Variants in TMEM44 observed in about 807,000 individuals in gnomAD.
TMEM44 encodes the protein transmembrane protein 44.
Under a neutral mutation model 47.8 loss-of-function variants are expected in TMEM44, and 43 were observed. The observed-to-expected ratio is 0.90, with a 90% CI of 0.70 to 1.16. The LOEUF is 1.16. TMEM44 is among the 50% of genes most tolerant of loss of function. TMEM44 has a pLI of 0.00. For missense variants in TMEM44, 568 were observed against 555.2 expected, an observed-to-expected ratio of 1.02 and a Z score of -0.23; for synonymous variants, 277 against 238.8, an observed-to-expected ratio of 1.16 and a Z score of -1.48.
chr3:194,621,628 C>G (rs1333009728), intron 5 of TMEM44, among the ~76,000 whole-genome samples: 1 of 152,204 alleles, frequency 6.6e-6, no homozygotes, highest in Non-Finnish European at 1.5e-5. Flanking sequence ...TGCAGCTTCA[C>G]TGACTTCACC....
At chr3:194,588,716 C>A in intron 9 of TMEM44, 77 bp from the exon 10 acceptor site, 1 of 1,374,450 alleles carries the variant, frequency 7.3e-7, no homozygotes, top group Non-Finnish European at 1.0e-6. Context: ...CTGACCCAAA[C>A]AAAAGCTCCA....
Position 194,594,623 on chromosome 3 carries a change from GA to G in TMEM44, c.1177-5985del, listed in dbSNP as rs564946122. On this transcript the variant is annotated intron_variant, in intron 9 of 9. Coordinates refer to ENST00000347147, the MANE Select transcript of TMEM44 (RefSeq NM_001011655.3). ...CTATCCTGCTGAGGGAACATAAACTGAAAAAAAAAAAAAGATTAATTGGAAG... is the reference window on the plus strand; with the variant it reads ...CTATCCTGCTGAGGGAACATAAACTGAAAAAAAAAAAAGATTAATTGGAAG... Among the ~76,000 whole-genome samples the G allele has an allele frequency of 4.1e-3, 532 of 130,484 alleles. 1 individual carries two copies. Among genetic ancestry groups the G allele is most frequent in the African/African-American group, 0.01 (372 of 35,600 alleles). 85.6% of individuals were successfully genotyped at this position (130,484 alleles called of 152,430 possible). A position where few individuals can be genotyped will look rare whatever the true frequency, so the allele number is the denominator to read the frequency against.
chr3:194,605,014 C>T (rs1263233705), intron 8 of TMEM44, among the ~76,000 whole-genome samples: 1 of 152,200 alleles, frequency 6.6e-6, no homozygotes, highest in Non-Finnish European at 1.5e-5. Context: ...AAAACGCACC[C>T]CATAGAGGCC....
chr3:194,615,441 G>C (rs1420210512), intron 7 of TMEM44, 128 bp downstream of exon 7: 1 of 1,311,378 alleles, frequency 7.6e-7, no homozygotes, highest in African/African-American at 1.5e-5. Context: ...ACAGCTGTCT[G>C]AGTCGCCTGC....
chr3:194,625,992 T>G lies in TMEM44; in HGVS notation c.265-2A>C, dbSNP rs1717134998. 8.1e-6 allele frequency: 13 copies of G among 1,611,266 alleles called. No homozygotes were observed. Among genetic ancestry groups the G allele is most frequent in the African/African-American group, 2.7e-5 (2 of 74,878 alleles). On this transcript the variant is annotated splice_acceptor_variant, in intron 2 of 9. Transcript: ENST00000347147. LOFTEE classifies it high-confidence loss of function. The stretch of plus-strand genomic sequence containing the variant: ...TGCTAGGTAGGCACCAGTGAAAACC[T>G]GGGAGCAAACGGGAAGAGAGTCTTG...
intron 1 of TMEM44, 101 bp from the exon 2 acceptor site, chr3:194,628,610 TC>T (rs1420710071): frequency 7.2e-7 from 1 of 1,392,162 alleles, no homozygotes; most frequent in East Asian, 2.5e-5. Context: ...GTCAGGGAGC[TC>T]TTTCTGCCCG....
At chr3:194,617,369 C>A (rs1192334511) in intron 5 of TMEM44, 100 bp from the exon 6 acceptor site, 15 of 1,304,532 alleles carry the variant, frequency 1.1e-5, no homozygotes, top group African/African-American at 1.5e-5. Context: ...CCTCTGCCTG[C>A]AGCCAGTCCT....
chr3:194,619,459 G>C (rs1716290762), intron 5 of TMEM44, among the ~76,000 whole-genome samples: 1 of 152,214 alleles, frequency 6.6e-6, no homozygotes, highest in African/African-American at 2.4e-5. Flanking sequence ...CATGTAAGGG[G>C]CTGGAGGCAG....
chr3:194,604,389 C>T lies in TMEM44; in HGVS notation c.1074G>A (p.Ala358=), dbSNP rs199665406. The T allele has an allele frequency of 9.0e-6, 14 of 1,549,492 alleles. No individual in the cohort carries two copies. The East Asian group carries it at 1.7e-4, about 19-fold the overall frequency. The change falls in exon 9 of 10, where the codon GCG becomes GCA. Residue 358 remains alanine, a synonymous_variant. Coordinates refer to ENST00000347147, the MANE Select transcript of TMEM44 (RefSeq NM_001011655.3). The part of the protein sequence containing the change: ...PGDGQTSAGD[A]SLQDPPSYPP... Reference sequence around the variant, plus strand: ...GGTACGACGGGGGGTCCTGCAGGGACGCATCTCCGGCGCTCGTCTGCCCGT... The same window carrying T: ...GGTACGACGGGGGGTCCTGCAGGGATGCATCTCCGGCGCTCGTCTGCCCGT...
chr3:194,631,452 C>T (rs2108607492), intron 1 of TMEM44, among the ~76,000 whole-genome samples: 1 of 152,324 alleles, frequency 6.6e-6, no homozygotes, highest in East Asian at 1.9e-4. Context: ...TCTTGGCTTT[C>T]TAAACATTTC....
At chr3:194,613,236 G>A (rs1469767780) in intron 7 of TMEM44, among the ~76,000 whole-genome samples, 1 of 151,818 alleles carries the variant, frequency 6.6e-6, no homozygotes, top group East Asian at 1.9e-4. Flanking sequence ...GGAGTACAGT[G>A]GCACGATCCC....
rs752957592 is a variant in TMEM44 at position 194,611,050 on chromosome 3, G to A, written c.913-30C>T. 3 of 1,587,562 alleles carry A rather than the reference G, an allele frequency of 1.9e-6. No individual in the cohort carries two copies. The highest frequency in any genetic ancestry group is 2.2e-5 in the South Asian group (2 of 89,914). On this transcript the variant is annotated intron_variant, in intron 7 of 9. Transcript: ENST00000347147. This position sits in a 1 kb window ranked among gnomAD's most constrained non-coding sequence, Gnocchi z 4.2. ...CAAGTAGAGGCAGGGAGACAGAAAG[G>A]GGAATTCTCAAAGTCAGGAGGCATT...
At chr3:194,594,156 TA>T (rs1713117155) in intron 9 of TMEM44, among the ~76,000 whole-genome samples, 2 of 151,516 alleles carry the variant, frequency 1.3e-5, no homozygotes, top group African/African-American at 4.9e-5. Flanking sequence ...TCTATCTATC[TA>T]TCTATCTATA....
intron 5 of TMEM44, among the ~76,000 whole-genome samples, chr3:194,619,337 AC>A (rs1328369978): frequency 2.0e-5 from 3 of 152,188 alleles, no homozygotes; most frequent in Admixed American, 1.3e-4. Flanking sequence ...GAAGAACGGA[AC>A]TGGATTGTGA....
At chr3:194,628,660 G>A (rs1717439807) in intron 1 of TMEM44, 151 bp from the exon 2 acceptor site, 7 of 957,770 alleles carry the variant, frequency 7.3e-6, no homozygotes, top group African/African-American at 1.7e-5. Context: ...GTTTACAGAT[G>A]GGAACCAATC....
At chr3:194,596,498 G>C (rs978194934) in intron 9 of TMEM44, among the ~76,000 whole-genome samples, 1 of 152,098 alleles carries the variant, frequency 6.6e-6, no homozygotes, top group Non-Finnish European at 1.5e-5. Context: ...CTGTGTGTAA[G>C]AAGTGACTCA....
intron 9 of TMEM44, among the ~76,000 whole-genome samples, chr3:194,599,202 C>T (rs1032785903): frequency 6.6e-5 from 10 of 152,182 alleles, no homozygotes; most frequent in Admixed American, 4.6e-4. Flanking sequence ...AAGAGTAAGG[C>T]GGGGGACCAG....
intron 6 of TMEM44, 131 bp downstream of exon 6, chr3:194,616,968 A>G (rs992547805): frequency 3.8e-6 from 4 of 1,055,256 alleles, no homozygotes; most frequent in Non-Finnish European, 5.3e-6. Context: ...CCAAGCTTCA[A>G]ACCACTCCCT....
chr3:194,593,153 G>A (rs1280383741), intron 9 of TMEM44: 2 of 1,435,334 alleles, frequency 1.4e-6, no homozygotes, highest in East Asian at 2.3e-5. Context: ...CTCAGGACCA[G>A]CTCCTGTCTG....
Sources: gnomAD v4.1 joint callset for allele counts (sites outside exome capture counted in the v4.1 genomes callset) on GRCh38, gnomAD v4.1.1 for gene constraint, Gnocchi (gnomAD v3.1) non-coding constraint, MANE v1.5 for transcripts, NCBI Gene and HGNC (gene_info 2026-07-23, HGNC 2026-07-21) for gene names.